AGTPBP1: variants seen among roughly 807,000 people sequenced by gnomAD.
AGTPBP1 encodes the protein ATP/GTP binding carboxypeptidase 1, also known as cytosolic carboxypeptidase 1.
Under a neutral mutation model 143.9 loss-of-function variants are expected in AGTPBP1, and 70 were observed. The observed-to-expected ratio is 0.49, with a 90% CI of 0.40 to 0.59. The LOEUF is 0.59. Among genes scored for constraint, AGTPBP1 ranks in the 20% least tolerant of loss-of-function variants. The pLI, the probability that AGTPBP1 is intolerant of heterozygous loss-of-function variation, is 0.00. For synonymous variants in AGTPBP1, 463 were observed against 500.2 expected (o/e 0.93, Z 0.99); for missense variants, 1,229 against 1,464.5 (o/e 0.84, Z 2.62).
chr9:85,567,953 T>C (rs1234287410), intron 25 of AGTPBP1, among the ~76,000 whole-genome samples: 1 of 152,140 alleles, frequency 6.6e-6, no homozygotes, highest in Non-Finnish European at 1.5e-5. Context: ...CAAGATAAAC[T>C]AAAAATAAGT....
chr9:85,671,790 C>G (rs1421629852), intron 7 of AGTPBP1, among the ~76,000 whole-genome samples: 1 of 152,160 alleles, frequency 6.6e-6, no homozygotes, highest in Non-Finnish European at 1.5e-5. Flanking sequence ...CCTCTTCTCT[C>G]TAGCTTCTCA....
rs151053046 is a variant in AGTPBP1 at position 85,696,280 on chromosome 9, A to T, written c.33-3467T>A. Among the ~76,000 whole-genome samples, 246 of 152,376 alleles carry T rather than the reference A, an allele frequency of 1.6e-3. 1 individual carries two copies. The highest frequency in any genetic ancestry group is 5.6e-3 in the African/African-American group (233 of 41,596). On this transcript the variant is annotated intron_variant, in intron 2 of 25. Transcript: ENST00000357081. ...GAATTTTGGAAAACACTGATCTACC[A>T]TAATGACCTTGACAGTGTCTCAATA...
At position 85,733,395 on chromosome 9, in the gene AGTPBP1, A is replaced by G. The variant is rs560806799; in HGVS notation, c.-34+8380T>C. Among the ~76,000 whole-genome samples, 6 of 152,350 alleles carry G rather than the reference A, an allele frequency of 3.9e-5. No individual in the cohort carries two copies. The East Asian group carries it at 1.2e-3, about 29-fold the overall frequency. On this transcript the variant is annotated intron_variant, in intron 1 of 25. Coordinates refer to ENST00000357081, the MANE Select transcript of AGTPBP1 (RefSeq NM_001330701.2). Reference sequence around the variant, plus strand: ...TCTTAACCAATGAATCAAAGAAGAAATCACTGGGTTAACCAGAAAATAGAC... The same window carrying G: ...TCTTAACCAATGAATCAAAGAAGAAGTCACTGGGTTAACCAGAAAATAGAC...
At position 85,681,306 on chromosome 9, in the gene AGTPBP1, C is replaced by A; in HGVS notation, c.187G>T (p.Gly63Cys). The change falls in exon 4 of 26, where the codon GGT becomes TGT. Residue 63 changes from glycine to cysteine, a missense_variant. Coordinates refer to ENST00000357081, the MANE Select transcript of AGTPBP1 (RefSeq NM_001330701.2). ...EKTRREMTAK[G>C]STGMEILLST... ...AGCAGAATTTCCATTCCTGTAGAAC[C>A]TTTGGCTGTCATTTCTCTCCTTGTT... 5 of 1,612,088 alleles carry A rather than the reference C, an allele frequency of 3.1e-6. No homozygotes were observed. Among genetic ancestry groups the A allele is most frequent in the Non-Finnish European group, 4.2e-6 (5 of 1,179,582 alleles).
At chr9:85,688,443 T>C (rs1032063945) in intron 3 of AGTPBP1, among the ~76,000 whole-genome samples, 1 of 152,022 alleles carries the variant, frequency 6.6e-6, no homozygotes, top group Non-Finnish European at 1.5e-5. Flanking sequence ...TCACCAAACA[T>C]TGCCAATGTC....
intron 2 of AGTPBP1, among the ~76,000 whole-genome samples, chr9:85,710,223 T>C (rs1251076155): frequency 1.3e-5 from 2 of 152,144 alleles, no homozygotes; most frequent in African/African-American, 4.8e-5. Flanking sequence ...TATTAAGTGT[T>C]ATACTCATGT....
intron 25 of AGTPBP1, among the ~76,000 whole-genome samples, chr9:85,551,743 T>C (rs1343378464): frequency 2.6e-5 from 4 of 152,232 alleles, no homozygotes; most frequent in Non-Finnish European, 4.4e-5. Context: ...CACTTTACAA[T>C]GTAGGAAATG....
At chr9:85,668,981 G>A (rs867156548) in intron 8 of AGTPBP1, among the ~76,000 whole-genome samples, 4,754 of 89,132 alleles carry the variant, frequency 0.053, 152 homozygotes, top group African/African-American at 0.1. Context: ...GTGTGTGTGT[G>A]TGTGTGTGTG....
At chr9:85,683,636 C>G (rs898245565) in intron 3 of AGTPBP1, among the ~76,000 whole-genome samples, 21 of 152,136 alleles carry the variant, frequency 1.4e-4, no homozygotes, top group African/African-American at 4.3e-4. Flanking sequence ...AAAATTCATT[C>G]AAATACCTAG....
chr9:85,774,060 T>C, the AGTPBP1 span: 32 of 1,483,936 alleles, frequency 2.2e-5, no homozygotes, highest in South Asian at 2.5e-4. Context: ...TTGACAGTTA[T>C]GTAAAGTTGA....
At chr9:85,763,799 A>G in the AGTPBP1 span, among the ~76,000 whole-genome samples, 1 of 152,136 alleles carries the variant, frequency 6.6e-6, no homozygotes, top group Admixed American at 6.6e-5. Flanking sequence ...GGATTCAATT[A>G]AAAGCTTGGG....
chr9:85,655,924 T>G (rs1311464609), intron 10 of AGTPBP1, among the ~76,000 whole-genome samples: 1 of 152,102 alleles, frequency 6.6e-6, no homozygotes, highest in Non-Finnish European at 1.5e-5. Context: ...GCCTCCTGGG[T>G]TCATACCATT....
chr9:85,802,444 C>T, the AGTPBP1 span, among the ~76,000 whole-genome samples: 2 of 152,080 alleles, frequency 1.3e-5, no homozygotes, highest in African/African-American at 2.4e-5. Context: ...GAGAAAATTG[C>T]ATAACCAAGT....
chr9:85,593,081 A>C (rs1023331131), intron 18 of AGTPBP1, among the ~76,000 whole-genome samples: 1 of 152,166 alleles, frequency 6.6e-6, no homozygotes, highest in Non-Finnish European at 1.5e-5. Context: ...AGGCTACAAG[A>C]CCTGGGTTCA....
At chr9:85,799,805 A>G in the AGTPBP1 span, among the ~76,000 whole-genome samples, 1 of 152,194 alleles carries the variant, frequency 6.6e-6, no homozygotes, top group East Asian at 1.9e-4. Context: ...GGTGTTAGCC[A>G]GTGCGCCCAG....
the AGTPBP1 span, among the ~76,000 whole-genome samples, chr9:85,750,988 A>G: frequency 2.6e-5 from 4 of 152,214 alleles, no homozygotes; most frequent in Admixed American, 1.3e-4. Context: ...AAGGAGTCCA[A>G]CTGGGGTCTC....
At chr9:85,621,132 T>G in intron 15 of AGTPBP1, 70 bp downstream of exon 15, 1 of 846,956 alleles carries the variant, frequency 1.2e-6, no homozygotes, top group South Asian at 2.6e-5. Flanking sequence ...ATTTTTATCT[T>G]TTAGAAATAA....
intron 11 of AGTPBP1, among the ~76,000 whole-genome samples, chr9:85,650,478 T>C (rs1833093430): frequency 6.6e-6 from 1 of 152,218 alleles, no homozygotes; most frequent in Non-Finnish European, 1.5e-5. Context: ...TTTTCTTTTG[T>C]CTAGCTTACT....
At chr9:85,709,127 A>G (rs1471165888) in intron 2 of AGTPBP1, among the ~76,000 whole-genome samples, 3 of 152,240 alleles carry the variant, frequency 2.0e-5, no homozygotes, top group Non-Finnish European at 4.4e-5. Flanking sequence ...ACAATATATC[A>G]TGACCAAGTA....
Sources: allele counts gnomAD v4.1 joint callset (sites outside exome capture counted in the v4.1 genomes callset), GRCh38; gene constraint gnomAD v4.1.1; transcripts MANE v1.5; gene names NCBI Gene and HGNC (gene_info 2026-07-23, HGNC 2026-07-21).